The following SYNPO variants were observed in gnomAD, a reference collection of about 807,000 sequenced individuals.
SYNPO encodes the protein synaptopodin.
In SYNPO, 19 loss-of-function variants were observed where a neutral mutation model predicts 49.5. That is an observed-to-expected ratio of 0.38 (90% CI 0.27 to 0.56). The LOEUF is 0.56. Among genes scored for constraint, SYNPO ranks in the 20% least tolerant of loss-of-function variants. The probability of loss-of-function intolerance (pLI) is 0.68; values close to 1 mark genes in which losing one functional copy is unlikely to be tolerated. For missense variants in SYNPO, 1,131 were observed against 1,248.3 expected (o/e 0.91, Z 1.42); for synonymous variants, 536 against 548.0 (o/e 0.98, Z 0.31).
chr5:150,593,624 C>T, the SYNPO span, among the ~76,000 whole-genome samples: 1 of 152,160 alleles, frequency 6.6e-6, no homozygotes, highest in Non-Finnish European at 1.5e-5. Flanking sequence ...ACCACACTGG[C>T]TAATTTTTGT....
At chr5:150,588,082 T>A in the SYNPO span, among the ~76,000 whole-genome samples, 4 of 152,204 alleles carry the variant, frequency 2.6e-5, no homozygotes, top group African/African-American at 9.7e-5. Flanking sequence ...GTGTACAGTA[T>A]GAATTTTTTT....
chr5:150,655,148 T>G (rs1758512876), intron 2 of SYNPO, among the ~76,000 whole-genome samples: 2 of 152,188 alleles, frequency 1.3e-5, no homozygotes, highest in Non-Finnish European at 2.9e-5. Context: ...TGGTCAATAT[T>G]TTTACATTTT....
intron 2 of SYNPO, among the ~76,000 whole-genome samples, chr5:150,627,590 G>A (rs1251920561): frequency 6.6e-6 from 1 of 152,210 alleles, no homozygotes; most frequent in Non-Finnish European, 1.5e-5. Context: ...GATAATTTCA[G>A]ATAGGTAAAA....
chr5:150,615,090 T>A (rs1009038540), intron 1 of SYNPO: 1 of 152,110 alleles, frequency 6.6e-6, no homozygotes, highest in Non-Finnish European at 1.5e-5. Context: ...CAGCTGCTAT[T>A]ATTGTTTCGG....
chr5:150,650,687 T>G, intron 2 of SYNPO: 1 of 1,397,474 alleles, frequency 7.2e-7, no homozygotes, highest in Non-Finnish European at 9.3e-7. Context: ...GGGAGTGGCC[T>G]AGAAGGGGAT....
At position 150,656,433 on chromosome 5, in the gene SYNPO, A is replaced by C. The variant is rs1581523548; in HGVS notation, c.2058A>C (p.Pro686=). Residue 686 remains proline (P), a synonymous_variant, in exon 3 of 3, where the codon CCA becomes CCC. Coordinates refer to ENST00000307662, the MANE Select transcript of SYNPO (RefSeq NM_007286.6). ...GCCGGGAGAGCCTGCCCACCTCCCC[A>C]CCCTGGACGCCGGGCGCGTCCCGGC... is the stretch of plus-strand genomic sequence containing the variant. ...QDRRESLPTS[P]PWTPGASRPP... 6.6e-7 allele frequency: 1 copy of C among 1,525,474 alleles called. No individual in the cohort carries two copies. Among genetic ancestry groups the C allele is most frequent in the African/African-American group, 1.4e-5 (1 of 70,580 alleles). The allele number at this position is 1,525,474 out of a possible 1,614,324, so 94.5% of individuals were successfully genotyped here.
At chr5:150,623,846 G>A (rs916515855) in intron 2 of SYNPO, among the ~76,000 whole-genome samples, 1 of 152,344 alleles carries the variant, frequency 6.6e-6, no homozygotes, top group African/African-American at 2.4e-5. Context: ...TGGGGAACCC[G>A]GGGAAACTTC....
chr5:150,618,866 A>G (rs1757061568), intron 2 of SYNPO: 3 of 1,440,218 alleles, frequency 2.1e-6, no homozygotes, highest in African/African-American at 1.4e-5. Flanking sequence ...CATGATCCAC[A>G]GTAATTCATC....
At chr5:150,624,805 C>T (rs915894795) in intron 2 of SYNPO, 22 of 955,700 alleles carry the variant, frequency 2.3e-5, no homozygotes, top group Admixed American at 6.3e-5. Context: ...TGGCGCGGGG[C>T]GGGGGTGGCG....
chr5:150,645,720 T>C (rs371689415), intron 1 of SYNPO, among the ~76,000 whole-genome samples: 2 of 152,340 alleles, frequency 1.3e-5, no homozygotes, highest in East Asian at 3.9e-4. Flanking sequence ...TCCAGCTTTG[T>C]CACCCTTGGC....
Position 150,620,788 on chromosome 5 carries a change from T to A in SYNPO, c.400+2021T>A, listed in dbSNP as rs1049902706. Among the ~76,000 whole-genome samples, 6 of 152,280 alleles carry A rather than the reference T, an allele frequency of 3.9e-5. No individual in the cohort carries two copies. In the East Asian group the frequency reaches 1.2e-3, roughly 29 times the overall value. ...AGGTGAGGCAACTGAGGCTCAGAGA[T>A]TTAAGTCCCCTACCCAAGGTCACAC... On this transcript the variant is annotated intron_variant, in intron 2 of 2. Coordinates refer to the SYNPO transcript ENST00000394243.
exon 2 of SYNPO, chr5:150,618,711 A>T (rs1757055023): frequency 2.6e-6 from 4 of 1,550,542 alleles, no homozygotes; most frequent in Middle Eastern, 1.7e-4. Context: ...AAGGCCGGGC[A>T]GATGATGACA....
Position 150,657,089 on chromosome 5 carries a change from G to GCC in SYNPO, c.*5_*6dup. 1.3e-6 allele frequency: 2 copies of GCC among 1,574,736 alleles called. No individual in the cohort carries two copies. Among genetic ancestry groups the GCC allele is most frequent in the South Asian group, 2.3e-5 (2 of 86,252 alleles). ...GCCGAGGCCTCCTGCACCACCTAGA[G>GCC]CCCCACCCCCGACCCCACCCCGGGA... is the stretch of plus-strand genomic sequence containing the variant. On this transcript the variant is annotated 3_prime_UTR_variant, in exon 3 of 3. Transcript: ENST00000307662.
At chr5:150,597,101 C>T (rs184255607), upstream of SYNPO, among the ~76,000 whole-genome samples, 13 of 152,306 alleles carry the variant, frequency 8.5e-5, no homozygotes, top group East Asian at 2.5e-3. Context: ...GCTAAGTTGG[C>T]TAGTGGGGGA....
chr5:150,631,472 G>A (rs941316775), intron 2 of SYNPO, among the ~76,000 whole-genome samples: 3 of 152,198 alleles, frequency 2.0e-5, no homozygotes, highest in Non-Finnish European at 4.4e-5. Context: ...TGGGCTGGCC[G>A]AGCACTAGAA....
At chr5:150,609,288 T>A (rs1756778293) in intron 1 of SYNPO, among the ~76,000 whole-genome samples, 1 of 152,216 alleles carries the variant, frequency 6.6e-6, no homozygotes, top group African/African-American at 2.4e-5. Context: ...TTTCTATTTT[T>A]ATTTTTAATT....
In SYNPO at chr5:150,656,742, A is replaced by AACGCCC; in HGVS notation, c.2367_2368insACGCCC (p.Pro789_Pro790insThrPro). 1 of 1,098,036 alleles carries AACGCCC rather than the reference A, an allele frequency of 9.1e-7. No individual in the cohort carries two copies. The highest frequency in any genetic ancestry group is 1.1e-6 in the Non-Finnish European group (1 of 877,114). The allele number at this position is 1,098,036 out of a possible 1,614,324, so 68.0% of individuals were successfully genotyped here. ...GGCCCTTCTCCCCGCCGAGGGCGCC[A>AACGCCC]CCGCCCCCGCCCCCGCCCCCGCCCC... On this transcript the variant is annotated inframe_insertion, in exon 3 of 3. Transcript: ENST00000307662.
chr5:150,619,717 G>A (rs914715371), intron 2 of SYNPO, among the ~76,000 whole-genome samples: 5 of 152,150 alleles, frequency 3.3e-5, no homozygotes, highest in African/African-American at 1.2e-4. Flanking sequence ...GGGCTTGTGC[G>A]TCAGGAAACT....
chr5:150,633,824 G>T (rs73276108), intron 2 of SYNPO, among the ~76,000 whole-genome samples: 1 of 152,110 alleles, frequency 6.6e-6, no homozygotes, highest in Non-Finnish European at 1.5e-5. Context: ...TAAAATTACC[G>T]TATATAATTA....
Sources: gnomAD v4.1 joint callset for allele counts (sites outside exome capture counted in the v4.1 genomes callset) on GRCh38, gnomAD v4.1.1 for gene constraint, MANE v1.5 for transcripts, NCBI Gene and HGNC (gene_info 2026-07-23, HGNC 2026-07-21) for gene names.